MICU2: variants seen among roughly 807,000 people sequenced by gnomAD.
The protein encoded by MICU2 is mitochondrial calcium uptake 2.
Under a neutral mutation model 60.4 loss-of-function variants are expected in MICU2, and 64 were observed. That is an observed-to-expected ratio of 1.06 (90% CI 0.87 to 1.31). The LOEUF is 1.31. Ranked by LOEUF, MICU2 falls within the 50% of genes most tolerant of loss-of-function variation. MICU2 has a pLI of 0.00. For synonymous variants in MICU2, 201 were observed against 175.0 expected (o/e 1.15, Z -1.17); for missense variants, 569 against 531.0 (o/e 1.07, Z -0.70).
At chr13:21,517,795 A>ACGCGCGCGCG (rs1256874768) in intron 6 of MICU2, among the ~76,000 whole-genome samples, 1 of 118,362 alleles carries the variant, frequency 8.4e-6, no homozygotes, top group African/African-American at 2.9e-5. Flanking sequence ...ACACACACAC[A>ACGCGCGCGCG]CACACGCGCG....
rs150325938 is a variant in MICU2 at position 21,524,877 on chromosome 13, T to C, written c.467-2227A>G. Among the ~76,000 whole-genome samples the C allele has an allele frequency of 2.0e-5, 3 of 152,340 alleles. No homozygotes were observed. The East Asian group carries it at 5.8e-4, about 29-fold the overall frequency. ...CCTAAGATGAATCATACGATATTTG[T>C]CCTTTTGTGACTTGCTTATTTCACT... is the stretch of plus-strand genomic sequence containing the variant. On this transcript the variant is annotated intron_variant, in intron 4 of 11. Coordinates refer to ENST00000382374, the MANE Select transcript of MICU2 (RefSeq NM_152726.3).
intron 7 of MICU2, among the ~76,000 whole-genome samples, chr13:21,513,739 CAAAAAAAAAAA>C (rs376128312): frequency 4.6e-4 from 27 of 59,114 alleles, no homozygotes; most frequent in African/African-American, 9.0e-4. Context: ...GACTCTGTCT[CAAAAAAAAAAA>C]AAAAAAAAAA....
intron 1 of MICU2, among the ~76,000 whole-genome samples, chr13:21,589,619 TC>T (rs1435896434): frequency 6.6e-6 from 1 of 152,222 alleles, no homozygotes; most frequent in Non-Finnish European, 1.5e-5. Context: ...GCAACCTTTT[TC>T]GATTACCTGC....
chr13:21,539,877 A>T (rs1268042819), intron 2 of MICU2, among the ~76,000 whole-genome samples, 189 bp from the exon 3 acceptor site: 1 of 152,218 alleles, frequency 6.6e-6, no homozygotes, highest in Non-Finnish European at 1.5e-5. Context: ...CTAAACACAA[A>T]GACACTACAG....
intron 4 of MICU2, among the ~76,000 whole-genome samples, chr13:21,523,672 C>T (rs190221891): frequency 9.2e-5 from 14 of 152,250 alleles, no homozygotes; most frequent in Admixed American, 7.2e-4. Context: ...CAGGGATGGG[C>T]AAGTAGCTCA....
At chr13:21,495,089 AT>A in intron 11 of MICU2, 71 bp downstream of exon 11, 1 of 1,257,730 alleles carries the variant, frequency 8.0e-7, no homozygotes, top group Non-Finnish European at 1.1e-6. Flanking sequence ...AGACTGTACA[AT>A]TGCCCAAATT....
Position 21,496,044 on chromosome 13 carries a change from T to C in MICU2, c.1042+8A>G, listed in dbSNP as rs1260349229. On this transcript the variant is annotated splice_region_variant and intron_variant, in intron 10 of 11. Coordinates refer to ENST00000382374, the MANE Select transcript of MICU2 (RefSeq NM_152726.3). ...GATAAAAATTAAATGGTTTTTCATA[T>C]AACTTACCTAGTCTGACAGGACGAT... 1 of 1,594,844 alleles carries C rather than the reference T, an allele frequency of 6.3e-7. No homozygotes were observed. The highest frequency in any genetic ancestry group is 8.6e-7 in the Non-Finnish European group (1 of 1,168,194).
chr13:21,545,705 G>C (rs1024848718), intron 2 of MICU2, among the ~76,000 whole-genome samples: 1 of 151,870 alleles, frequency 6.6e-6, no homozygotes, highest in Non-Finnish European at 1.5e-5. Flanking sequence ...CATAGAAGTA[G>C]AAAGTAGGAC....
At chr13:21,563,995 T>TA (rs1190607489) in intron 2 of MICU2, among the ~76,000 whole-genome samples, 21 of 152,134 alleles carry the variant, frequency 1.4e-4, no homozygotes, top group African/African-American at 4.8e-4. Context: ...TCATTTCTGT[T>TA]ACACTATTTT....
intron 4 of MICU2, among the ~76,000 whole-genome samples, chr13:21,524,704 C>T (rs1231732202): frequency 2.0e-5 from 3 of 152,108 alleles, no homozygotes; most frequent in Non-Finnish European, 2.9e-5. Flanking sequence ...GTTGTACAAC[C>T]GTCATTAGAA....
chr13:21,495,971 T>C, intron 10 of MICU2, 81 bp downstream of exon 10: 4 of 957,024 alleles, frequency 4.2e-6, no homozygotes, highest in Non-Finnish European at 6.3e-6. Flanking sequence ...AATTTGTTCC[T>C]TGATTGGTAG....
intron 1 of MICU2, among the ~76,000 whole-genome samples, chr13:21,586,116 A>C (rs756891515): frequency 2.0e-5 from 3 of 152,170 alleles, no homozygotes; most frequent in African/African-American, 4.8e-5. Context: ...GTTGCATCTC[A>C]GCTCTCATGG....
In MICU2 at chr13:21,493,277, C is replaced by T; in HGVS notation, c.1277G>A (p.Trp426Ter). Residue 426 changes from tryptophan to a stop codon, truncating the protein, a stop_gained, in exon 12 of 12, where the codon TGG (tryptophan) becomes TAG (stop). Coordinates refer to ENST00000382374, the MANE Select transcript of MICU2 (RefSeq NM_152726.3). LOFTEE classifies it high-confidence loss of function. ...AAAAAGACCTTTTCCAGCTTGTTTC[C>T]AGACTTCTTTTACTCCTTTAATGCT... ...KESIKGVKEV[W>*]KQAGKGLF is the part of the protein sequence containing the mutation. The T allele has an allele frequency of 6.2e-7, 1 of 1,609,216 alleles. No individual in the cohort carries two copies. The highest frequency in any genetic ancestry group is 1.1e-5 in the South Asian group (1 of 90,134).
At chr13:21,573,359 C>T (rs1286367857) in intron 1 of MICU2, among the ~76,000 whole-genome samples, 1 of 152,062 alleles carries the variant, frequency 6.6e-6, no homozygotes, top group Admixed American at 6.5e-5. Context: ...CTGCAAGCTC[C>T]GCCTCCTGGG....
intron 9 of MICU2, among the ~76,000 whole-genome samples, chr13:21,496,919 G>A (rs1308989818): frequency 2.0e-5 from 3 of 151,878 alleles, no homozygotes; most frequent in South Asian, 2.1e-4. Context: ...AAAATTAGCC[G>A]GGCGTGGTGG....
intron 1 of MICU2, among the ~76,000 whole-genome samples, chr13:21,591,621 T>C (rs1346568757): frequency 2.0e-5 from 3 of 152,196 alleles, no homozygotes; most frequent in Non-Finnish European, 2.9e-5. Flanking sequence ...GATCACATAA[T>C]TGGAAGTAAA....
chr13:21,566,933 T>C lies in MICU2; in HGVS notation c.222A>G (p.Glu74=), dbSNP rs139051523. ...GTTTCCCAATATATATTATTCCATG[T>C]TCAACATTTTTCTAAAAGAAAAATA... ...SFTVSAQKNV[E]HGIIYIGKPS... Residue 74 remains glutamate, a synonymous_variant, in exon 2 of 12, where the codon GAA becomes GAG. Transcript: ENST00000382374. 3.1e-6 allele frequency: 5 copies of C among 1,594,326 alleles called. No homozygotes were observed. Among genetic ancestry groups the C allele is most frequent in the African/African-American group, 2.7e-5 (2 of 73,580 alleles).
chr13:21,589,675 C>T (rs1888534988), intron 1 of MICU2, among the ~76,000 whole-genome samples: 2 of 152,200 alleles, frequency 1.3e-5, no homozygotes, highest in South Asian at 2.1e-4. Flanking sequence ...CTGACTCATT[C>T]GGATTACCTG....
chr13:21,525,231 C>T (rs1200026), intron 4 of MICU2, among the ~76,000 whole-genome samples: 20,881 of 118,156 alleles, frequency 0.18, 1,785 homozygotes, highest in Middle Eastern at 0.41. Flanking sequence ...CTTGCTCTGT[C>T]GCCCAGGCTG....
Sources: allele counts gnomAD v4.1 joint callset (sites outside exome capture counted in the v4.1 genomes callset), GRCh38; gene constraint gnomAD v4.1.1; transcripts MANE v1.5; gene names NCBI Gene and HGNC (gene_info 2026-07-23, HGNC 2026-07-21).